LENG8: variants seen among roughly 807,000 people sequenced by gnomAD.
The protein encoded by LENG8 is leukocyte receptor cluster (LRC) member 8.
A neutral mutation model predicts 102.1 loss-of-function variants in LENG8; 28 were observed. The ratio of observed to expected loss-of-function variants is 0.27; its 90% CI spans 0.20 to 0.38. The LOEUF is 0.38. Ranked by LOEUF, LENG8 falls within the 10% of genes least tolerant of loss-of-function variation. The probability of loss-of-function intolerance (pLI) is 1.00; values close to 1 mark genes in which losing one functional copy is unlikely to be tolerated. For synonymous variants in LENG8, 531 were observed against 456.7 expected, an observed-to-expected ratio of 1.16 and a Z score of -2.07; for missense variants, 1,022 against 1,113.9, an observed-to-expected ratio of 0.92 and a Z score of 1.17.
rs754625868 is a variant in LENG8 at position 54,460,971 on chromosome 19, G to T, written c.*43G>T. ...GCGGGGGCAGGGGCTGCAGCCCCCA[G>T]CGCTGCCTTTGCGGATTCTGTTTTT... is the stretch of plus-strand genomic sequence containing the variant. On this transcript the variant is annotated 3_prime_UTR_variant, in exon 16 of 16. Coordinates refer to ENST00000326764, the MANE Select transcript of LENG8 (RefSeq NM_052925.4). The T allele has an allele frequency of 6.5e-7, 1 of 1,536,864 alleles. No individual in the cohort carries two copies. Among genetic ancestry groups the T allele is most frequent in the South Asian group, 1.2e-5 (1 of 83,976 alleles).
At chr19:54,450,967 C>T (rs375036253) in intron 1 of LENG8, among the ~76,000 whole-genome samples, 3 of 152,234 alleles carry the variant, frequency 2.0e-5, no homozygotes, top group African/African-American at 7.2e-5. Context: ...GCACCCCTAC[C>T]CTCTGGACCT....
At chr19:54,455,192 C>A in intron 7 of LENG8, 100 bp downstream of exon 7, 1 of 1,536,764 alleles carries the variant, frequency 6.5e-7, no homozygotes, top group Non-Finnish European at 9.0e-7. Context: ...CCTCAGTGTG[C>A]GCCTCTGAAA....
In LENG8 at chr19:54,457,773, C is replaced by T. The variant is rs142424676; in HGVS notation, c.1758C>T (p.Val586=). Residue 586 remains valine (V), a synonymous_variant, in exon 12 of 16, where the codon GTC becomes GTT. Coordinates refer to ENST00000326764, the MANE Select transcript of LENG8 (RefSeq NM_052925.4). ...VAVLKKSLCM[V]KCHWKEKQDY... ...TTTTGAAAAAGTCGCTGTGCATGGTCAAGTGCCACTGGAAAGAGAAGCAGG... is the reference window on the plus strand; with the variant it reads ...TTTTGAAAAAGTCGCTGTGCATGGTTAAGTGCCACTGGAAAGAGAAGCAGG... 2.9e-5 allele frequency: 47 copies of T among 1,614,062 alleles called. No individual in the cohort carries two copies. In the East Asian group the frequency reaches 1.0e-3, roughly 34 times the overall value.
chr19:54,460,669 C>A, intron 15 of LENG8, 97 bp from the exon 16 acceptor site: 1 of 1,452,318 alleles, frequency 6.9e-7, no homozygotes, highest in Middle Eastern at 2.5e-4. Context: ...CTGAGGAAAT[C>A]CTGTGGGCAC....
At position 54,451,310 on chromosome 19, in the gene LENG8, CT is replaced by C; in HGVS notation, c.-34del. The C allele has an allele frequency of 1.2e-6, 2 of 1,613,040 alleles. 1 individual carries two copies. The highest frequency in any genetic ancestry group is 2.2e-5 in the South Asian group (2 of 91,064). On this transcript the variant is annotated 5_prime_UTR_variant, in exon 2 of 16. Coordinates refer to ENST00000326764, the MANE Select transcript of LENG8 (RefSeq NM_052925.4). Reference sequence around the variant, plus strand: ...CATAGACAGTGAAAAAGCAGTCTGGCTCCCGAGGTCCACCCCTTATACCCCA... The same window carrying C: ...CATAGACAGTGAAAAAGCAGTCTGGCCCCGAGGTCCACCCCTTATACCCCA...
intron 15 of LENG8, 71 bp from the exon 16 acceptor site, chr19:54,460,695 T>TC: frequency 6.9e-7 from 1 of 1,447,130 alleles, no homozygotes. Context: ...TGGGGGGGCC[T>TC]CCCCGCTCGT....
chr19:54,455,141 C>T (rs763797890), intron 7 of LENG8, 49 bp downstream of exon 7: 19 of 1,610,268 alleles, frequency 1.2e-5, no homozygotes, highest in African/African-American at 5.3e-5. Context: ...CTGCACTCAG[C>T]GTCTATGGTC....
intron 1 of LENG8, among the ~76,000 whole-genome samples, chr19:54,450,072 C>G (rs1270369424): frequency 6.6e-6 from 1 of 152,224 alleles, no homozygotes; most frequent in Non-Finnish European, 1.5e-5. Context: ...CTCCTGAATC[C>G]TTGCTCCGGA....
At chr19:54,456,527 G>A (rs911136470) in intron 10 of LENG8, 62 bp downstream of exon 10, 1 of 1,542,932 alleles carries the variant, frequency 6.5e-7, no homozygotes, top group African/African-American at 1.4e-5. Context: ...GGGACCCATG[G>A]GAGAAGGAGG....
At chr19:54,451,572 C>T (rs139529732) in intron 2 of LENG8, among the ~76,000 whole-genome samples, 190 bp downstream of exon 2, 13 of 152,292 alleles carry the variant, frequency 8.5e-5, no homozygotes, top group African/African-American at 2.9e-4. Context: ...CAAGCTTTCA[C>T]CTCTCTGAGC....
In LENG8 at chr19:54,461,906, CT is replaced by C; in HGVS notation, c.*979del. 3.5e-6 allele frequency: 3 copies of C among 847,854 alleles called. No homozygotes were observed. The Admixed American group carries it at 5.3e-5, about 15-fold the overall frequency. The allele number at this position is 847,854 out of a possible 1,614,324, so 52.5% of individuals were successfully genotyped here. On this transcript the variant is annotated 3_prime_UTR_variant, in exon 16 of 16. Transcript: ENST00000326764. The stretch of plus-strand genomic sequence containing the variant: ...TTTTTTCCAGATGTTCCTCCTCTGC[CT>C]CCCCTTCCCCTCCTCTCCCCTCCTT...
At chr19:54,453,681 AC>A in intron 5 of LENG8, 25 bp downstream of exon 5, 1 of 1,524,600 alleles carries the variant, frequency 6.6e-7, no homozygotes, top group Non-Finnish European at 9.1e-7. Flanking sequence ...CAGCTCCCAT[AC>A]CCTGCTCAAG....
chr19:54,454,333 G>T, intron 5 of LENG8, 97 bp from the exon 6 acceptor site: 2 of 1,257,038 alleles, frequency 1.6e-6, no homozygotes, highest in Non-Finnish European at 2.2e-6. Context: ...GTTGAGTGCT[G>T]AGTGCTGTGA....
chr19:54,457,658 A>G (rs2084322417), intron 11 of LENG8, 89 bp from the exon 12 acceptor site: 14 of 935,338 alleles, frequency 1.5e-5, no homozygotes, highest in Non-Finnish European at 1.7e-6. Context: ...TCTTTTTTTA[A>G]TGTTGCAACT....
At position 54,452,128 on chromosome 19, in the gene LENG8, G is replaced by A. The variant is rs778300174; in HGVS notation, c.74G>A (p.Arg25Gln). The A allele has an allele frequency of 8.7e-6, 14 of 1,614,006 alleles. No homozygotes were observed. Among genetic ancestry groups the A allele is most frequent in the African/African-American group, 2.7e-5 (2 of 74,924 alleles). ...SQYSMVAGAG[R>Q]ENGMETPMHE... ...TACAGCATGGTGGCTGGGGCAGGCC[G>A]AGAGAATGGCATGGAGACGCCGATG... Residue 25 changes from arginine to glutamine, a missense_variant, in exon 3 of 16, where the codon CGA becomes CAA. Transcript: ENST00000326764.
At chr19:54,457,111 G>A (rs1479030930) in intron 11 of LENG8, among the ~76,000 whole-genome samples, 190 bp downstream of exon 11, 1 of 152,264 alleles carries the variant, frequency 6.6e-6, no homozygotes, top group African/African-American at 2.4e-5. Flanking sequence ...GGAGCCCCGC[G>A]TGGCGGGTGT....
intron 15 of LENG8, chr19:54,460,193 T>G (rs1372672056): frequency 7.8e-6 from 10 of 1,289,722 alleles, no homozygotes; most frequent in Non-Finnish European, 8.1e-6. Context: ...GGTTCCTGTG[T>G]GTGTGGAAAG....
At chr19:54,453,491 G>C in intron 4 of LENG8, 55 bp from the exon 5 acceptor site, 1 of 1,189,954 alleles carries the variant, frequency 8.4e-7, no homozygotes, top group Non-Finnish European at 1.2e-6. Context: ...GAGCAGGCTG[G>C]GGAAGCGGAA....
chr19:54,461,730 T>C lies in LENG8; in HGVS notation c.*802T>C. The C allele has an allele frequency of 2.0e-6, 1 of 506,502 alleles. No individual in the cohort carries two copies. Among genetic ancestry groups the C allele is most frequent in the Non-Finnish European group, 4.0e-6 (1 of 251,038 alleles). The allele number at this position is 506,502 out of a possible 1,614,324, so 31.4% of individuals were successfully genotyped here. A position where few individuals can be genotyped will look rare whatever the true frequency, so the allele number is the denominator to read the frequency against. Reference sequence around the variant, plus strand: ...CTTCATGGATCACCAGCTCACGTCATGTTGCCTTCTCTTTTCTTTGTGTGT... The same window carrying C: ...CTTCATGGATCACCAGCTCACGTCACGTTGCCTTCTCTTTTCTTTGTGTGT... On this transcript the variant is annotated 3_prime_UTR_variant, in exon 16 of 16. Coordinates refer to ENST00000326764, the MANE Select transcript of LENG8 (RefSeq NM_052925.4).
Sources: allele counts gnomAD v4.1 joint callset (sites outside exome capture counted in the v4.1 genomes callset), GRCh38; gene constraint gnomAD v4.1.1; transcripts MANE v1.5; gene names NCBI Gene and HGNC (gene_info 2026-07-23, HGNC 2026-07-21).